HSBP1: variants seen among roughly 807,000 people sequenced by gnomAD.
HSBP1 encodes the protein heat shock factor binding protein 1, also known as heat shock factor-binding protein 1.
In HSBP1, 5 loss-of-function variants were observed where a neutral mutation model predicts 9.6. The ratio of observed to expected loss-of-function variants is 0.52; its 90% CI spans 0.27 to 1.09. The LOEUF is 1.09. Among genes scored for constraint, HSBP1 ranks in the 50% least tolerant of loss-of-function variants. The pLI is 0.11. For synonymous variants in HSBP1, 42 were observed against 33.3 expected, an observed-to-expected ratio of 1.26 and a Z score of -0.90; for missense variants, 121 against 96.3, an observed-to-expected ratio of 1.26 and a Z score of -1.07.
chr16:83,808,181 C>A (rs1255983901), intron 1 of HSBP1, 60 bp downstream of exon 1: 2 of 1,426,814 alleles, frequency 1.4e-6, no homozygotes, highest in Admixed American at 2.3e-5. Context: ...CGGGCCAAGC[C>A]CTGCTGGACA....
At position 83,811,937 on chromosome 16, in the gene HSBP1, T is replaced by A. The variant is rs970789574; in HGVS notation, c.*519T>A. The A allele has an allele frequency of 5.2e-5, 8 of 152,602 alleles. No homozygotes were observed. Among genetic ancestry groups the A allele is most frequent in the African/African-American group, 1.7e-4 (7 of 41,592 alleles). The allele number at this position is 152,602 out of a possible 1,614,324, so 9.5% of individuals were successfully genotyped here. A position where few individuals can be genotyped will look rare whatever the true frequency, so the allele number is the denominator to read the frequency against. ...CTGAAAACACCTAAAAATTGTTCAT[T>A]CAGAAATATCTGTCACTGCTCTGTT... is the stretch of plus-strand genomic sequence containing the variant. On this transcript the variant is annotated 3_prime_UTR_variant, in exon 4 of 4. Coordinates refer to ENST00000433866, the MANE Select transcript of HSBP1 (RefSeq NM_001537.4).
intron 3 of HSBP1, among the ~76,000 whole-genome samples, chr16:83,810,032 A>T: frequency 1.6e-5 from 1 of 63,042 alleles, no homozygotes; most frequent in South Asian, 4.4e-4. Flanking sequence ...AGTTTTTATC[A>T]TTCCAGCTAA....
intron 1 of HSBP1, chr16:83,808,445 G>A: frequency 3.5e-6 from 2 of 566,736 alleles, no homozygotes; most frequent in East Asian, 6.0e-5. Context: ...CCCCAGCCCG[G>A]CAGAAACAAC....
chr16:83,808,294 T>G (rs1904509166), intron 1 of HSBP1, 173 bp downstream of exon 1: 1 of 600,892 alleles, frequency 1.7e-6, no homozygotes, highest in Admixed American at 3.8e-5. Flanking sequence ...GGGCGCTCGG[T>G]GCGGGCCAGT....
Position 83,813,688 on chromosome 16 carries a change from G to A in HSBP1, c.*2270G>A, listed in dbSNP as rs1904654332. 6.6e-6 allele frequency: 1 copy of A among 152,220 alleles called. No homozygotes were observed. The highest frequency in any genetic ancestry group is 2.4e-5 in the African/African-American group (1 of 41,436). 9.4% of individuals were successfully genotyped at this position (152,220 alleles called of 1,614,324 possible). On this transcript the variant is annotated 3_prime_UTR_variant, in exon 4 of 4. Coordinates refer to ENST00000433866, the MANE Select transcript of HSBP1 (RefSeq NM_001537.4). ...TCTTGTTCGTTTACCAGCCAGTGAA[G>A]ATTCTCTTGAGGGCTGAACAATACA... is the stretch of plus-strand genomic sequence containing the variant.
In HSBP1 at chr16:83,815,181, T is replaced by G. The variant is rs1438257402; in HGVS notation, c.*3763T>G. The G allele has an allele frequency of 6.6e-6, 1 of 152,148 alleles. No individual in the cohort carries two copies. Among genetic ancestry groups the G allele is most frequent in the African/African-American group, 2.4e-5 (1 of 41,428 alleles). The allele number at this position is 152,148 out of a possible 1,614,324, so 9.4% of individuals were successfully genotyped here. A position where few individuals can be genotyped will look rare whatever the true frequency, so the allele number is the denominator to read the frequency against. On this transcript the variant is annotated 3_prime_UTR_variant, in exon 4 of 4. Transcript: ENST00000433866. ...ATGAGGGAGGGGAGATGCAAGTCAC[T>G]GCCCAAAAACAAAACCAGAGGAATT...
Position 83,808,001 on chromosome 16 carries a change from C to A in HSBP1, c.-76C>A. 1 of 1,335,644 alleles carries A rather than the reference C, an allele frequency of 7.5e-7. No homozygotes were observed. The highest frequency in any genetic ancestry group is 1.0e-6 in the Non-Finnish European group (1 of 981,334). 82.7% of individuals were successfully genotyped at this position (1,335,644 alleles called of 1,614,324 possible). A position where few individuals can be genotyped will look rare whatever the true frequency, so the allele number is the denominator to read the frequency against. ...CCAGTCTCGTCGCGAGAAGCAGCGGCCCGGGGCGACTGAGCGGACAAACGG... is the reference window on the plus strand; with the variant it reads ...CCAGTCTCGTCGCGAGAAGCAGCGGACCGGGGCGACTGAGCGGACAAACGG... On this transcript the variant is annotated 5_prime_UTR_variant, in exon 1 of 4. Transcript: ENST00000433866.
rs1012254606 is a variant in HSBP1 at position 83,819,229 on chromosome 16, G to A, written c.*7811G>A. On this transcript the variant is annotated 3_prime_UTR_variant, in exon 4 of 4. Transcript: ENST00000433866. ...CCCCCTTTTTGTAGATCCTGATTCA[G>A]AATATCTGGGACGGGGGCTGGAGAT... is the stretch of plus-strand genomic sequence containing the variant. The A allele has an allele frequency of 1.3e-5, 2 of 152,146 alleles. No individual in the cohort carries two copies. Among genetic ancestry groups the A allele is most frequent in the African/African-American group, 4.8e-5 (2 of 41,420 alleles). 9.4% of individuals were successfully genotyped at this position (152,146 alleles called of 1,614,324 possible).
Position 83,812,477 on chromosome 16 carries a change from A to T in HSBP1, c.*1059A>T, listed in dbSNP as rs1472487696. 1 of 152,372 alleles carries T rather than the reference A, an allele frequency of 6.6e-6. No homozygotes were observed. The highest frequency in any genetic ancestry group is 1.5e-5 in the Non-Finnish European group (1 of 68,034). 9.4% of individuals were successfully genotyped at this position (152,372 alleles called of 1,614,324 possible). A position where few individuals can be genotyped will look rare whatever the true frequency, so the allele number is the denominator to read the frequency against. On this transcript the variant is annotated 3_prime_UTR_variant, in exon 4 of 4. Transcript: ENST00000433866. ...CCAGGAGTGCTAAACCTAGAGGCCA[A>T]TACTGATGACCTGGAAGGTGATCCA...
At chr16:83,808,202 C>T (rs1410419871) in intron 1 of HSBP1, 81 bp downstream of exon 1, 2 of 1,230,676 alleles carry the variant, frequency 1.6e-6, no homozygotes, top group Admixed American at 6.3e-5. Context: ...GAGGCGCGCC[C>T]ACCGCGGCCG....
rs1313537641 is a variant in HSBP1, at chr16:83,812,172, A to G, written c.*754A>G. On this transcript the variant is annotated 3_prime_UTR_variant, in exon 4 of 4. Transcript: ENST00000433866. ...ACCCTACCTACGTGGTTCATCTACAATGGTTACCATAAAAAATCTGGCAGG... is the reference window on the plus strand; with the variant it reads ...ACCCTACCTACGTGGTTCATCTACAGTGGTTACCATAAAAAATCTGGCAGG... The G allele has an allele frequency of 6.6e-6, 1 of 152,644 alleles. No homozygotes were observed. Among genetic ancestry groups the G allele is most frequent in the African/African-American group, 2.4e-5 (1 of 41,466 alleles). 9.5% of individuals were successfully genotyped at this position (152,644 alleles called of 1,614,324 possible).
At position 83,815,972 on chromosome 16, in the gene HSBP1, G is replaced by C. The variant is rs1410709665; in HGVS notation, c.*4554G>C. The C allele has an allele frequency of 2.0e-5, 3 of 152,188 alleles. No homozygotes were observed. Among genetic ancestry groups the C allele is most frequent in the African/African-American group, 7.2e-5 (3 of 41,452 alleles). The allele number at this position is 152,188 out of a possible 1,614,324, so 9.4% of individuals were successfully genotyped here. ...AATAGTCTGGATTCAGGATCCAGCA[G>C]CTTAGAAGCGTTTAGCTACCAATAG... On this transcript the variant is annotated 3_prime_UTR_variant, in exon 4 of 4. Coordinates refer to ENST00000433866, the MANE Select transcript of HSBP1 (RefSeq NM_001537.4).
rs1904693546 is a variant in HSBP1 at position 83,815,286 on chromosome 16, C to T, written c.*3868C>T. On this transcript the variant is annotated 3_prime_UTR_variant, in exon 4 of 4. Coordinates refer to ENST00000433866, the MANE Select transcript of HSBP1 (RefSeq NM_001537.4). ...GGTTTGTTTCAACAAGTCAGGATGACAGTATTTTAAAAAAGAAAAAAAGGC... is the reference window on the plus strand; with the variant it reads ...GGTTTGTTTCAACAAGTCAGGATGATAGTATTTTAAAAAAGAAAAAAAGGC... 2.0e-5 allele frequency: 3 copies of T among 151,862 alleles called. No homozygotes were observed. Among genetic ancestry groups the T allele is most frequent in the Admixed American group, 2.0e-4 (3 of 15,246 alleles). 9.4% of individuals were successfully genotyped at this position (151,862 alleles called of 1,614,324 possible).
At chr16:83,808,204 C>A (rs1308877423) in intron 1 of HSBP1, 83 bp downstream of exon 1, 5 of 1,202,374 alleles carry the variant, frequency 4.2e-6, no homozygotes, top group Admixed American at 6.3e-5. Context: ...GGCGCGCCCA[C>A]CGCGGCCGCG....
chr16:83,809,221 G>T, intron 2 of HSBP1, 84 bp from the exon 3 acceptor site: 2 of 832,044 alleles, frequency 2.4e-6, no homozygotes, highest in East Asian at 2.7e-5. Flanking sequence ...CCCTAAAGTC[G>T]TTGTGTTTAA....
intron 3 of HSBP1, among the ~76,000 whole-genome samples, chr16:83,811,088 C>G (rs1158425859): frequency 6.6e-6 from 1 of 152,150 alleles, no homozygotes; most frequent in East Asian, 1.9e-4. Flanking sequence ...GGAAAAATGT[C>G]CTACCAGTCT....
In HSBP1 at chr16:83,813,071, C is replaced by T. The variant is rs566945439; in HGVS notation, c.*1653C>T. 4.6e-5 allele frequency: 7 copies of T among 152,308 alleles called. No individual in the cohort carries two copies. Among genetic ancestry groups the T allele is most frequent in the Admixed American group, 4.6e-4 (7 of 15,300 alleles). The allele number at this position is 152,308 out of a possible 1,614,324, so 9.4% of individuals were successfully genotyped here. On this transcript the variant is annotated 3_prime_UTR_variant, in exon 4 of 4. Coordinates refer to ENST00000433866, the MANE Select transcript of HSBP1 (RefSeq NM_001537.4). ...AATCACATTAGAGTATCAACTAAAA[C>T]CTCTGGACGGATTAAGTACAAGTAG... is the stretch of plus-strand genomic sequence containing the variant.
At chr16:83,811,185 G>T (rs538551685) in intron 3 of HSBP1, among the ~76,000 whole-genome samples, 1 of 152,322 alleles carries the variant, frequency 6.6e-6, no homozygotes, top group South Asian at 2.1e-4. Context: ...AGAATTTCAG[G>T]ATGGTAGACT....
At position 83,814,198 on chromosome 16, in the gene HSBP1, G is replaced by A. The variant is rs1303967577; in HGVS notation, c.*2780G>A. 1 of 152,240 alleles carries A rather than the reference G, an allele frequency of 6.6e-6. No homozygotes were observed. Among genetic ancestry groups the A allele is most frequent in the African/African-American group, 2.4e-5 (1 of 41,460 alleles). The allele number at this position is 152,240 out of a possible 1,614,324, so 9.4% of individuals were successfully genotyped here. A position where few individuals can be genotyped will look rare whatever the true frequency, so the allele number is the denominator to read the frequency against. The stretch of plus-strand genomic sequence containing the variant: ...TGTGTTGTCATATCTAGCCCTGAAA[G>A]TTAACTGGTTACAGTTACCAAATGT... On this transcript the variant is annotated 3_prime_UTR_variant, in exon 4 of 4. Coordinates refer to ENST00000433866, the MANE Select transcript of HSBP1 (RefSeq NM_001537.4).
Sources: gnomAD v4.1 joint callset for allele counts (sites outside exome capture counted in the v4.1 genomes callset) on GRCh38, gnomAD v4.1.1 for gene constraint, MANE v1.5 for transcripts, NCBI Gene and HGNC (gene_info 2026-07-23, HGNC 2026-07-21) for gene names.